ALKBH4: variants seen among roughly 807,000 people sequenced by gnomAD.
ALKBH4 encodes the protein alkB homolog 4, lysine demethylase, also known as alpha-ketoglutarate-dependent dioxygenase alkB homolog 4.
A neutral mutation model predicts 12.1 loss-of-function variants in ALKBH4; 8 were observed. That is an observed-to-expected ratio of 0.66 (90% CI 0.39 to 1.19). The LOEUF is 1.19. Ranked by LOEUF, ALKBH4 falls within the 50% of genes most tolerant of loss-of-function variation. ALKBH4 has a pLI of 0.01. For missense variants in ALKBH4, 403 were observed against 430.4 expected, an observed-to-expected ratio of 0.94 and a Z score of 0.56; for synonymous variants, 195 against 191.6, an observed-to-expected ratio of 1.02 and a Z score of -0.15.
intron 2 of ALKBH4, among the ~76,000 whole-genome samples, chr7:102,458,307 C>T (rs1586728858): frequency 1.3e-5 from 2 of 152,168 alleles, no homozygotes; most frequent in East Asian, 1.9e-4. Flanking sequence ...TGGTGGCTCA[C>T]GCCTATCATC....
chr7:102,461,775 G>A (rs894838077), intron 1 of ALKBH4, among the ~76,000 whole-genome samples: 1 of 152,214 alleles, frequency 6.6e-6, no homozygotes, highest in Non-Finnish European at 1.5e-5. Context: ...AGCCCCAAGA[G>A]GAAGGTACCA....
At chr7:102,463,160 A>T (rs1797838342) in intron 1 of ALKBH4, among the ~76,000 whole-genome samples, 1 of 151,576 alleles carries the variant, frequency 6.6e-6, no homozygotes, top group Non-Finnish European at 1.5e-5. Flanking sequence ...CATGTTGCCC[A>T]TGCTGGTCTC....
chr7:102,464,038 T>TCCC (rs67493080), intron 1 of ALKBH4, among the ~76,000 whole-genome samples: 112 of 141,722 alleles, frequency 7.9e-4, no homozygotes, highest in African/African-American at 9.6e-4. Flanking sequence ...TGATCAGACC[T>TCCC]CCCCCCCCCC....
Position 102,456,995 on chromosome 7 carries a change from A to G in ALKBH4, c.*399T>C, listed in dbSNP as rs1797668938. On this transcript the variant is annotated 3_prime_UTR_variant, in exon 3 of 3. Transcript: ENST00000292566. ...GGCTGTGAGTCACCACACCCGGCTA[A>G]TTTTTGTAGTTTTTGTAGAGACGGG... 6.3e-6 allele frequency: 1 copy of G among 158,492 alleles called. No homozygotes were observed. The highest frequency in any genetic ancestry group is 2.4e-5 in the African/African-American group (1 of 41,550). 9.8% of individuals were successfully genotyped at this position (158,492 alleles called of 1,614,324 possible).
intron 2 of ALKBH4, among the ~76,000 whole-genome samples, chr7:102,458,789 A>G (rs375643237): frequency 4.0e-5 from 6 of 151,768 alleles, no homozygotes; most frequent in African/African-American, 7.3e-5. Context: ...AAAAAGTGAC[A>G]ACAACGCCAA....
chr7:102,457,279 C>T lies in ALKBH4; in HGVS notation c.*115G>A. The stretch of plus-strand genomic sequence containing the variant: ...GCTCCTGGGCAGGGCTCACACTGCT[C>T]ACAGCATCAGGGGTCAGCCATCTTC... On this transcript the variant is annotated 3_prime_UTR_variant, in exon 3 of 3. Transcript: ENST00000292566. This position sits in a 1 kb window ranked among gnomAD's most constrained non-coding sequence, Gnocchi z 5.9. 1 of 1,244,472 alleles carries T rather than the reference C, an allele frequency of 8.0e-7. No individual in the cohort carries two copies. Among genetic ancestry groups the T allele is most frequent in the Non-Finnish European group, 1.1e-6 (1 of 886,344 alleles). The allele number at this position is 1,244,472 out of a possible 1,614,324, so 77.1% of individuals were successfully genotyped here.
chr7:102,464,717 TG>T lies in ALKBH4; in HGVS notation c.119del (p.Pro40GlnfsTer34). 3.2e-6 allele frequency: 5 copies of T among 1,546,578 alleles called. No individual in the cohort carries two copies. Among genetic ancestry groups the T allele is most frequent in the East Asian group, 2.6e-5 (1 of 38,274 alleles). On this transcript the variant is annotated frameshift_variant, in exon 1 of 3. Coordinates refer to ENST00000292566, the MANE Select transcript of ALKBH4 (RefSeq NM_017621.4). LOFTEE classifies it high-confidence loss of function. ...RGSDPPWELP[P>X]AKTYRFIYCS... is the part of the protein sequence containing the mutation. ...CGGCCCCTCTCCCACCCCTTACCGC[TG>T]GGGGCAGCTCCCAGGGCGGGTCACT...
At chr7:102,458,999 A>T (rs1797726916) in intron 2 of ALKBH4, among the ~76,000 whole-genome samples, 1 of 152,138 alleles carries the variant, frequency 6.6e-6, no homozygotes, top group African/African-American at 2.4e-5. Flanking sequence ...TACAAGAATT[A>T]GCTGGGCATG....
chr7:102,456,296 A>C lies in ALKBH4; in HGVS notation c.*1098T>G, dbSNP rs905012306. 2 of 153,090 alleles carry C rather than the reference A, an allele frequency of 1.3e-5. No individual in the cohort carries two copies. Among genetic ancestry groups the C allele is most frequent in the African/African-American group, 4.8e-5 (2 of 41,432 alleles). 9.5% of individuals were successfully genotyped at this position (153,090 alleles called of 1,614,324 possible). A position where few individuals can be genotyped will look rare whatever the true frequency, so the allele number is the denominator to read the frequency against. On this transcript the variant is annotated 3_prime_UTR_variant, in exon 3 of 3. Coordinates refer to ENST00000292566, the MANE Select transcript of ALKBH4 (RefSeq NM_017621.4). Reference sequence around the variant, plus strand: ...AGGGTCTTGCTCTGTTGCCAAGTTAAGTGCAGTGGTATGATCATGAGCTCA... The same window carrying C: ...AGGGTCTTGCTCTGTTGCCAAGTTACGTGCAGTGGTATGATCATGAGCTCA...
At chr7:102,458,847 AG>A (rs1797723294) in intron 2 of ALKBH4, among the ~76,000 whole-genome samples, 1 of 152,006 alleles carries the variant, frequency 6.6e-6, no homozygotes, top group Middle Eastern at 3.2e-3. Context: ...AACATCCAAC[AG>A]GATGTCACAA....
At chr7:102,461,623 A>G (rs1201433598) in intron 1 of ALKBH4, among the ~76,000 whole-genome samples, 1 of 152,132 alleles carries the variant, frequency 6.6e-6, no homozygotes, top group African/African-American at 2.4e-5. Flanking sequence ...TTGGCCTCCC[A>G]AAGTGCTGGG....
At chr7:102,460,556 C>T (rs1375162263) in intron 1 of ALKBH4, among the ~76,000 whole-genome samples, 2 of 152,188 alleles carry the variant, frequency 1.3e-5, no homozygotes, top group Non-Finnish European at 2.9e-5. Context: ...TCCTTTCTCA[C>T]TTTCCTCCCC....
At chr7:102,458,613 C>G (rs1285780770) in intron 2 of ALKBH4, among the ~76,000 whole-genome samples, 1 of 151,888 alleles carries the variant, frequency 6.6e-6, no homozygotes, top group Non-Finnish European at 1.5e-5. Context: ...GTGGCACATG[C>G]CTTAGTTTCA....
intron 1 of ALKBH4, among the ~76,000 whole-genome samples, chr7:102,463,614 G>A (rs900618944): frequency 6.6e-6 from 1 of 152,170 alleles, no homozygotes; most frequent in African/African-American, 2.4e-5. Context: ...ACAGGCGTGA[G>A]CCACTGAACC....
rs777313140 is a variant in ALKBH4 at position 102,459,774 on chromosome 7, C to A, written c.151G>T (p.Asp51Tyr). ...TCTGTGCCCACGGCCCAGCCGGTGT[C>A]GGAGCAGTAAATGAAACGGTATGTT... Reference protein sequence around the residue: ...AKTYRFIYCSDTGWAVGTEES... With the variant: ...AKTYRFIYCSYTGWAVGTEES... Residue 51 changes from aspartate (D) to tyrosine (Y), a missense_variant, in exon 2 of 3, where the codon GAC becomes TAC. Transcript: ENST00000292566. The A allele has an allele frequency of 3.1e-6, 5 of 1,609,272 alleles. No individual in the cohort carries two copies. Among genetic ancestry groups the A allele is most frequent in the Non-Finnish European group, 4.2e-6 (5 of 1,177,886 alleles).
At position 102,459,656 on chromosome 7, in the gene ALKBH4, C is replaced by T. The variant is rs751229861; in HGVS notation, c.269G>A (p.Arg90Gln). Residue 90 changes from arginine (R) to glutamine (Q), a missense_variant, in exon 2 of 3, where the codon CGG (arginine) becomes CAG (glutamine). Physicochemically the swap from Arg to Gln is conservative, Grantham distance 43 (BLOSUM62 1). Coordinates refer to ENST00000292566, the MANE Select transcript of ALKBH4 (RefSeq NM_017621.4). ...VTREEEAELV[R>Q]LMDRDPWKLS... ...CTTCCAGGGGTCACGGTCCATGAGC[C>T]GCACCAACTCGGCTTCTTCCTCCCG... is the stretch of plus-strand genomic sequence containing the variant. 25 of 1,614,178 alleles carry T rather than the reference C, an allele frequency of 1.5e-5. No individual in the cohort carries two copies. In the Middle Eastern group the frequency reaches 4.9e-4, roughly 32 times the overall value.
Position 102,457,389 on chromosome 7 carries a change from G to C in ALKBH4, c.*5C>G. 1 of 1,602,570 alleles carries C rather than the reference G, an allele frequency of 6.2e-7. No individual in the cohort carries two copies. Among genetic ancestry groups the C allele is most frequent in the Non-Finnish European group, 8.5e-7 (1 of 1,171,610 alleles). ...ATCAGTCAAGTCTGGAGCCAAGGAG[G>C]CGGTTCACACGGGTCTTCCCTGGAA... is the stretch of plus-strand genomic sequence containing the variant. On this transcript the variant is annotated 3_prime_UTR_variant, in exon 3 of 3. Transcript: ENST00000292566. The surrounding 1 kb of genome is among the most constrained non-coding windows in gnomAD (Gnocchi z 5.9).
At position 102,464,820 on chromosome 7, in the gene ALKBH4, G is replaced by C; in HGVS notation, c.17C>G (p.Ala6Gly). 6.5e-7 allele frequency: 1 copy of C among 1,531,198 alleles called. No homozygotes were observed. The highest frequency in any genetic ancestry group is 8.7e-7 in the Non-Finnish European group (1 of 1,144,566). 94.9% of individuals were successfully genotyped at this position (1,531,198 alleles called of 1,614,324 possible). A position where few individuals can be genotyped will look rare whatever the true frequency, so the allele number is the denominator to read the frequency against. MAAAA[A>G]ETPEVLRECG... Reference sequence around the variant, plus strand: ...TTCCCGAAGGACTTCGGGGGTCTCGGCGGCAGCCGCCGCCATCGCGCCGTC... The same window carrying C: ...TTCCCGAAGGACTTCGGGGGTCTCGCCGGCAGCCGCCGCCATCGCGCCGTC... The change falls in exon 1 of 3, where the codon GCC becomes GGC. Residue 6 changes from alanine to glycine, a missense_variant. Ala to Gly is a moderately conservative substitution (Grantham distance 60). Coordinates refer to ENST00000292566, the MANE Select transcript of ALKBH4 (RefSeq NM_017621.4).
intron 1 of ALKBH4, 79 bp downstream of exon 1, chr7:102,464,635 C>G (rs1203698576): frequency 2.1e-6 from 3 of 1,444,476 alleles, no homozygotes; most frequent in Non-Finnish European, 2.7e-6. Context: ...ATCCCGGCCC[C>G]TATCATGGCC....
Sources: gnomAD v4.1 joint callset for allele counts (sites outside exome capture counted in the v4.1 genomes callset) on GRCh38, gnomAD v4.1.1 for gene constraint, Gnocchi (gnomAD v3.1) non-coding constraint, MANE v1.5 for transcripts, NCBI Gene and HGNC (gene_info 2026-07-23, HGNC 2026-07-21) for gene names.